Variants in NUP155 observed in about 807,000 individuals in gnomAD.
The protein encoded by NUP155 is nuclear pore complex protein Nup155.
Under a neutral mutation model 180.4 loss-of-function variants are expected in NUP155, and 71 were observed. The ratio of observed to expected loss-of-function variants is 0.39; its 90% CI spans 0.33 to 0.48. NUP155 has a LOEUF of 0.48. Ranked by LOEUF, NUP155 falls within the 20% of genes least tolerant of loss-of-function variation. The pLI is 0.91. For synonymous variants in NUP155, 582 were observed against 559.5 expected, an observed-to-expected ratio of 1.04 and a Z score of -0.57; for missense variants, 1,553 against 1,648.9, an observed-to-expected ratio of 0.94 and a Z score of 1.01.
chr5:37,296,025 G>A (rs1253420286), intron 32 of NUP155, among the ~76,000 whole-genome samples: 8 of 138,530 alleles, frequency 5.8e-5, no homozygotes, highest in Non-Finnish European at 1.2e-4. Context: ...CCCCCCGCCC[G>A]GCCAGCCGCC....
chr5:37,360,484 CA>C (rs370612338), intron 3 of NUP155, among the ~76,000 whole-genome samples: 3,824 of 138,520 alleles, frequency 0.028, 149 homozygotes, highest in African/African-American at 0.096. Context: ...GACTCAGTCT[CA>C]AAAAAAAAAG....
At position 37,294,379 on chromosome 5, in the gene NUP155, C is replaced by T. The variant is rs376953622; in HGVS notation, c.3880G>A (p.Val1294Ile). The T allele has an allele frequency of 1.7e-5, 27 of 1,607,178 alleles. No homozygotes were observed. The Admixed American group carries it at 1.8e-4, about 11-fold the overall frequency. Reference protein sequence around the residue: ...FVIQTMNEIGVPLPRLLEVYD... With the variant: ...FVIQTMNEIGIPLPRLLEVYD... The stretch of plus-strand genomic sequence containing the variant: ...ACTTCTAGTAGTCTAGGTAATGGTA[C>T]TCCAATTTCATTCATTGTCTGTATT... The change falls in exon 33 of 35, where the codon GTA becomes ATA. Residue 1294 changes from valine to isoleucine, a missense_variant. Transcript: ENST00000231498.
At chr5:37,295,188 A>T (rs1382378732) in intron 32 of NUP155, among the ~76,000 whole-genome samples, 1 of 152,050 alleles carries the variant, frequency 6.6e-6, no homozygotes, top group Non-Finnish European at 1.5e-5. Flanking sequence ...CTGCGATTGC[A>T]GGTGCGCGCC....
intron 34 of NUP155, among the ~76,000 whole-genome samples, 180 bp from the exon 35 acceptor site, chr5:37,292,218 T>TA (rs570938207): frequency 1.6e-5 from 2 of 127,180 alleles, no homozygotes; most frequent in Non-Finnish European, 3.1e-5. Flanking sequence ...CATTTGAAGA[T>TA]TTTTTTTTTT....
chr5:37,308,917 TAGAA>T (rs1158293180), intron 24 of NUP155, among the ~76,000 whole-genome samples: 1 of 107,782 alleles, frequency 9.3e-6, no homozygotes, highest in Non-Finnish European at 2.1e-5. Flanking sequence ...TTTCAAAAAA[TAGAA>T]AGAACATTAC....
intron 32 of NUP155, among the ~76,000 whole-genome samples, chr5:37,296,179 C>T (rs1206208852): frequency 1.3e-5 from 2 of 152,172 alleles, no homozygotes; most frequent in African/African-American, 2.4e-5. Flanking sequence ...GGAGGTGTGC[C>T]CAACAGCTCA....
chr5:37,310,860 C>T (rs189642967), intron 22 of NUP155, 117 bp from the exon 23 acceptor site: 20 of 827,800 alleles, frequency 2.4e-5, no homozygotes, highest in East Asian at 2.3e-4. Flanking sequence ...AATTGAAAAG[C>T]GAAAATATAC....
At chr5:37,305,346 A>G in intron 25 of NUP155, 136 bp from the exon 26 acceptor site, 1 of 742,362 alleles carries the variant, frequency 1.3e-6, no homozygotes, top group East Asian at 2.6e-5. Context: ...GGAGTTCAAG[A>G]CTAGCCAGGG....
At position 37,331,146 on chromosome 5, in the gene NUP155, C is replaced by T. The variant is rs186313755; in HGVS notation, c.1629+539G>A. ...CCTGGGCGACAGAGCGAGACTCTGTCTCAAAAAAAAAAAAGAATTTATCAA... is the reference window on the plus strand; with the variant it reads ...CCTGGGCGACAGAGCGAGACTCTGTTTCAAAAAAAAAAAAGAATTTATCAA... On this transcript the variant is annotated intron_variant, in intron 14 of 34. Coordinates refer to ENST00000231498, the MANE Select transcript of NUP155 (RefSeq NM_153485.3). 2.6e-4 allele frequency among the ~76,000 whole-genome samples: 35 copies of T among 135,008 alleles called. No individual in the cohort carries two copies. The East Asian group carries it at 6.7e-3, about 26-fold the overall frequency. 88.6% of individuals were successfully genotyped at this position (135,008 alleles called of 152,430 possible).
Position 37,302,868 on chromosome 5 carries a change from G to T in NUP155, c.3358C>A (p.Arg1120=). The T allele has an allele frequency of 3.1e-6, 5 of 1,613,500 alleles. No individual in the cohort carries two copies. The highest frequency in any genetic ancestry group is 4.2e-6 in the Non-Finnish European group (5 of 1,179,626). The stretch of plus-strand genomic sequence containing the variant: ...GAACTTTTGGCACTAAGAATGGCTC[G>T]AGCAATGTACTCTAGTCGCTGCTGA... ...SLQQRLEYIA[R]AILSAKSSTA... is the part of the protein sequence containing the mutation. Residue 1120 remains arginine (R), a synonymous_variant, in exon 29 of 35, where the codon CGA becomes AGA. Transcript: ENST00000231498.
At chr5:37,295,991 C>T (rs1305500) in intron 32 of NUP155, among the ~76,000 whole-genome samples, 5 of 143,016 alleles carry the variant, frequency 3.5e-5, no homozygotes, top group Admixed American at 2.0e-4. Flanking sequence ...CCGCCCCATC[C>T]GGGAGGGAGG....
At chr5:37,304,621 A>C (rs1208000632) in intron 27 of NUP155, 118 bp downstream of exon 27, 1 of 756,564 alleles carries the variant, frequency 1.3e-6, no homozygotes, top group Non-Finnish European at 2.3e-6. Flanking sequence ...CTTTATACTA[A>C]CATCTAATAG....
chr5:37,365,738 A>AAAAAATAT lies in NUP155; in HGVS notation c.158-1355_158-1354insATATTTTT, dbSNP rs1561818758. On this transcript the variant is annotated intron_variant, in intron 1 of 34. Coordinates refer to ENST00000231498, the MANE Select transcript of NUP155 (RefSeq NM_153485.3). Reference sequence around the variant, plus strand: ...GAAAAAAAAAAAAAAAAAAAAAAAAAATATATATATATATACACACACACA... The same window carrying AAAAAATAT: ...GAAAAAAAAAAAAAAAAAAAAAAAAAAAAAATATATATATATATATATACACACACACA... Among the ~76,000 whole-genome samples the AAAAAATAT allele has an allele frequency of 7.4e-3, 275 of 37,132 alleles. 16 individuals carry two copies. Among genetic ancestry groups the AAAAAATAT allele is most frequent in the South Asian group, 0.013 (8 of 638 alleles). The allele number at this position is 37,132 out of a possible 152,430, so 24.4% of individuals were successfully genotyped here.
At chr5:37,325,519 A>C (rs1744536103) in intron 19 of NUP155, among the ~76,000 whole-genome samples, 2 of 152,180 alleles carry the variant, frequency 1.3e-5, no homozygotes, top group Non-Finnish European at 2.9e-5. Context: ...CTGTAATCTT[A>C]GCACTTTGGG....
chr5:37,337,265 CTT>C (rs889045103), intron 12 of NUP155, among the ~76,000 whole-genome samples: 10 of 152,054 alleles, frequency 6.6e-5, no homozygotes, highest in Admixed American at 1.3e-4. Flanking sequence ...GTGGGTGTCT[CTT>C]TGTTTATGTG....
intron 12 of NUP155, among the ~76,000 whole-genome samples, chr5:37,337,283 G>C (rs542334055): frequency 4.6e-5 from 7 of 152,044 alleles, no homozygotes; most frequent in Admixed American, 1.3e-4. Flanking sequence ...ATGTGGGAAA[G>C]AAAAATGAAA....
At chr5:37,315,420 AC>A (rs1368686567) in intron 21 of NUP155, among the ~76,000 whole-genome samples, 30 of 152,216 alleles carry the variant, frequency 2.0e-4, no homozygotes, top group African/African-American at 7.0e-4. Flanking sequence ...CTCTTTCCTT[AC>A]TTGTTACTAC....
chr5:37,311,607 G>C (rs1743531192), intron 22 of NUP155, among the ~76,000 whole-genome samples: 1 of 151,516 alleles, frequency 6.6e-6, no homozygotes, highest in Non-Finnish European at 1.5e-5. Flanking sequence ...GTATACGAGA[G>C]TCAAAAAGTA....
chr5:37,295,097 C>A (rs1260084441), intron 32 of NUP155, among the ~76,000 whole-genome samples: 1 of 152,164 alleles, frequency 6.6e-6, no homozygotes, highest in Non-Finnish European at 1.5e-5. Flanking sequence ...CCTCTGATGC[C>A]GAGCCGAAGC....
Sources: allele counts gnomAD v4.1 joint callset (sites outside exome capture counted in the v4.1 genomes callset), GRCh38; gene constraint gnomAD v4.1.1; transcripts MANE v1.5; gene names NCBI Gene and HGNC (gene_info 2026-07-23, HGNC 2026-07-21).